VPS41: variants seen among roughly 807,000 people sequenced by gnomAD.
The protein encoded by VPS41 is VPS41 subunit of HOPS complex.
VPS41 carries 85 observed loss-of-function variants against 130.9 expected under a neutral mutation model. The observed-to-expected ratio is 0.65, with a 90% CI of 0.55 to 0.78. The LOEUF (loss-of-function observed/expected upper bound fraction) is 0.78. Ranked by LOEUF, VPS41 falls within the 30% of genes least tolerant of loss-of-function variation. The pLI is 0.00. For missense variants in VPS41, 874 were observed against 1,018.7 expected (o/e 0.86, Z 1.93); for synonymous variants, 335 against 332.9 (o/e 1.01, Z -0.07).
At chr7:38,900,137 G>C (rs1185772611) in intron 1 of VPS41, among the ~76,000 whole-genome samples, 2 of 152,126 alleles carry the variant, frequency 1.3e-5, no homozygotes, top group Non-Finnish European at 2.9e-5. Flanking sequence ...TGTAGTCCCA[G>C]CTACTTGGGA....
intron 2 of VPS41, among the ~76,000 whole-genome samples, chr7:38,885,976 T>C (rs558336308): frequency 1.3e-5 from 2 of 152,158 alleles, no homozygotes; most frequent in South Asian, 4.2e-4. Flanking sequence ...ATCAAGAGAA[T>C]GTATACCCTC....
At chr7:38,887,405 G>A (rs62443566) in intron 2 of VPS41, among the ~76,000 whole-genome samples, 39,110 of 152,112 alleles carry the variant, frequency 0.26, 6,434 homozygotes, top group Non-Finnish European at 0.38. Flanking sequence ...TAGCCAATTC[G>A]ATCGGCTGGA....
chr7:38,798,274 G>C (rs565930066), intron 7 of VPS41, among the ~76,000 whole-genome samples: 30 of 152,166 alleles, frequency 2.0e-4, no homozygotes, highest in African/African-American at 4.8e-4. Flanking sequence ...ACTAAAGACA[G>C]GCAGCTAAAA....
intron 5 of VPS41, among the ~76,000 whole-genome samples, chr7:38,822,872 A>C (rs1785203766): frequency 6.6e-6 from 1 of 152,224 alleles, no homozygotes; most frequent in Admixed American, 6.5e-5. Context: ...TACTCTCAGC[A>C]TAAGAATTCC....
chr7:38,884,308 T>C (rs891928274), intron 2 of VPS41, among the ~76,000 whole-genome samples: 1 of 152,208 alleles, frequency 6.6e-6, no homozygotes, highest in Non-Finnish European at 1.5e-5. Flanking sequence ...TAATTTCTCA[T>C]TCAACTAAAT....
intron 4 of VPS41, among the ~76,000 whole-genome samples, chr7:38,861,408 T>A (rs1786109141): frequency 6.6e-6 from 1 of 152,152 alleles, no homozygotes; most frequent in Admixed American, 6.5e-5. Context: ...ACCAAATGTT[T>A]TGGTCATCAA....
At chr7:38,843,600 C>T (rs1031357407) in intron 4 of VPS41, among the ~76,000 whole-genome samples, 4 of 151,470 alleles carry the variant, frequency 2.6e-5, no homozygotes, top group South Asian at 2.1e-4. Flanking sequence ...GAGAATGGCA[C>T]GAACCCGGGA....
chr7:38,882,284 T>C (rs1786626017), intron 2 of VPS41, among the ~76,000 whole-genome samples: 1 of 152,198 alleles, frequency 6.6e-6, no homozygotes, highest in Non-Finnish European at 1.5e-5. Context: ...GGATCCTCCC[T>C]TGGTTTCTGG....
In VPS41 at chr7:38,862,612, A is replaced by G. The variant is rs1786141428; in HGVS notation, c.179T>C (p.Leu60Ser). Residue 60 changes from leucine (L) to serine (S), a missense_variant, in exon 4 of 29, where the codon TTG (leucine) becomes TCG (serine). Leu to Ser is a moderately radical substitution (Grantham distance 145). Coordinates refer to ENST00000310301, the MANE Select transcript of VPS41 (RefSeq NM_014396.4). ...ATAAACCTTGCCATAATGTGTGCCC[A>G]ATGCCAAAAACTGTAAGAAGAACAA... ...CMTVHDKFLA[L>S]GTHYGKVYLL... 3 of 1,607,094 alleles carry G rather than the reference A, an allele frequency of 1.9e-6. No homozygotes were observed. The highest frequency in any genetic ancestry group is 2.6e-6 in the Non-Finnish European group (3 of 1,176,058).
At chr7:38,751,135 C>G (rs184749015) in intron 22 of VPS41, among the ~76,000 whole-genome samples, 3 of 152,224 alleles carry the variant, frequency 2.0e-5, no homozygotes, top group African/African-American at 4.8e-5. Context: ...TAATTGTGGA[C>G]TTTAAAAATC....
At chr7:38,870,338 A>G (rs1374758034) in intron 2 of VPS41, among the ~76,000 whole-genome samples, 1 of 152,214 alleles carries the variant, frequency 6.6e-6, no homozygotes. Flanking sequence ...AGCTGCCTTG[A>G]TGTGTTAAAA....
chr7:38,858,528 A>C (rs1025060578), intron 4 of VPS41, among the ~76,000 whole-genome samples: 1 of 152,198 alleles, frequency 6.6e-6, no homozygotes, highest in African/African-American at 2.4e-5. Flanking sequence ...GGAGCTTAGA[A>C]CTTTATTTTT....
intron 4 of VPS41, among the ~76,000 whole-genome samples, chr7:38,853,223 T>C (rs1785897729): frequency 6.6e-6 from 1 of 151,952 alleles, no homozygotes; most frequent in Non-Finnish European, 1.5e-5. Context: ...ATCAAGACCA[T>C]CCTGGCTAAC....
intron 4 of VPS41, among the ~76,000 whole-genome samples, chr7:38,855,490 C>T (rs944232383): frequency 5.9e-5 from 9 of 152,098 alleles, no homozygotes; most frequent in Admixed American, 3.3e-4. Context: ...AAAAGATGGT[C>T]GAGTCCCAAA....
In VPS41 at chr7:38,748,227, G is replaced by A. The variant is rs529302803; in HGVS notation, c.1927-2614C>T. Among the ~76,000 whole-genome samples, 8 of 152,182 alleles carry A rather than the reference G, an allele frequency of 5.3e-5. No homozygotes were observed. In the South Asian group the frequency reaches 1.0e-3, roughly 20 times the overall value. On this transcript the variant is annotated intron_variant, in intron 22 of 28. Transcript: ENST00000310301. ...ACACAACACATGCGCGCGCGTGCGC[G>A]CACACACACGCGGACAATGCAGTGA...
At chr7:38,828,109 A>C (rs1785315355) in intron 5 of VPS41, among the ~76,000 whole-genome samples, 1 of 152,224 alleles carries the variant, frequency 6.6e-6, no homozygotes, top group Non-Finnish European at 1.5e-5. Context: ...TTTTGAGAAA[A>C]AATATTCCAA....
In VPS41 at chr7:38,852,011, G is replaced by A. The variant is rs984513553; in HGVS notation, c.246+10534C>T. Among the ~76,000 whole-genome samples the A allele has an allele frequency of 3.9e-5, 6 of 152,138 alleles. No homozygotes were observed. The East Asian group carries it at 1.2e-3, about 29-fold the overall frequency. On this transcript the variant is annotated intron_variant, in intron 4 of 28. Transcript: ENST00000310301. ...AATAGAAGTATAAAATAAAGACTGG[G>A]CAACCAAATGACAAGAATGTTGTGG...
chr7:38,832,369 C>T (rs1584417883), intron 4 of VPS41, among the ~76,000 whole-genome samples: 2 of 137,038 alleles, frequency 1.5e-5, no homozygotes, highest in East Asian at 4.3e-4. Flanking sequence ...CACCAGGCTA[C>T]AGTGCAGCGG....
chr7:38,779,447 A>G (rs1784319001), intron 10 of VPS41, among the ~76,000 whole-genome samples: 1 of 152,162 alleles, frequency 6.6e-6, no homozygotes, highest in Non-Finnish European at 1.5e-5. Flanking sequence ...AATAATGGCC[A>G]TTTATCTGGT....
Sources: allele counts gnomAD v4.1 joint callset (sites outside exome capture counted in the v4.1 genomes callset), GRCh38; gene constraint gnomAD v4.1.1; transcripts MANE v1.5; gene names NCBI Gene and HGNC (gene_info 2026-07-23, HGNC 2026-07-21).